DEDD2: variants seen among roughly 807,000 people sequenced by gnomAD.
The protein encoded by DEDD2 is death effector domain containing 2, also known as DNA-binding death effector domain-containing protein 2.
In DEDD2, 18 loss-of-function variants were observed where a neutral mutation model predicts 28.9. The observed-to-expected ratio is 0.62, with a 90% CI of 0.43 to 0.92. DEDD2 has a LOEUF of 0.92. Ranked by LOEUF, DEDD2 falls within the 40% of genes least tolerant of loss-of-function variation. The pLI, the probability that DEDD2 is intolerant of heterozygous loss-of-function variation, is 0.00. For missense variants in DEDD2, 411 were observed against 463.3 expected, an observed-to-expected ratio of 0.89 and a Z score of 1.04; for synonymous variants, 211 against 206.1, an observed-to-expected ratio of 1.02 and a Z score of -0.20.
intron 3 of DEDD2, among the ~76,000 whole-genome samples, chr19:42,211,438 AGG>A (rs2035758912): frequency 2.8e-5 from 1 of 35,950 alleles, no homozygotes; most frequent in South Asian, 8.1e-4. Context: ...GGAGGGAGGG[AGG>A]GAGGGAGGGA....
At chr19:42,202,145 A>T (rs905540559) in intron 4 of DEDD2, 1 of 398,622 alleles carries the variant, frequency 2.5e-6, no homozygotes. Context: ...AACTCATAAA[A>T]TGCTTGCTTA....
At position 42,216,922 on chromosome 19, in the gene DEDD2, A is replaced by G. The variant is rs1441768610; in HGVS notation, c.86T>C (p.Met29Thr). 2 of 1,601,006 alleles carry G rather than the reference A, an allele frequency of 1.2e-6. No individual in the cohort carries two copies. The highest frequency in any genetic ancestry group is 1.3e-5 in the African/African-American group (1 of 74,542). ...DYYGMLSLHR[M>T]FEVVGGQLTE... ...CAGTTGCCCGCCCACCACCTCGAAC[A>G]TACGGTGAAGCGACAGCATCCCGTA... The change falls in exon 2 of 5, where the codon ATG (methionine) becomes ACG (threonine). Residue 29 changes from methionine to threonine, a missense_variant. Coordinates refer to ENST00000596251, the MANE Select transcript of DEDD2 (RefSeq NM_133328.4).
chr19:42,217,909 T>G (rs534389770), upstream of DEDD2, among the ~76,000 whole-genome samples: 1 of 152,330 alleles, frequency 6.6e-6, no homozygotes, highest in African/African-American at 2.4e-5. Context: ...GGGCTGTATC[T>G]GGTACCCGGT....
At position 42,216,727 on chromosome 19, in the gene DEDD2, G is replaced by C. The variant is rs947154147; in HGVS notation, c.281C>G (p.Ala94Gly). 1 of 1,591,288 alleles carries C rather than the reference G, an allele frequency of 6.3e-7. No individual in the cohort carries two copies. The change falls in exon 2 of 5, where the codon GCC (alanine) becomes GGC (glycine). Residue 94 changes from alanine to glycine, a missense_variant. This residue lies in a region of DEDD2 where 282 missense variants were observed against 273.4 expected (regional missense o/e 1.03). Transcript: ENST00000596251. ...RLLGQLLRVL[A>G]RHDLLPHLAR... Reference sequence around the variant, plus strand: ...CAGGTGCGGCAGCAGGTCGTGGCGGGCCAGCACGCGCAGGAGTTGCCCCAG... The same window carrying C: ...CAGGTGCGGCAGCAGGTCGTGGCGGCCCAGCACGCGCAGGAGTTGCCCCAG...
chr19:42,209,508 G>C (rs2035663843), intron 4 of DEDD2, among the ~76,000 whole-genome samples, 192 bp downstream of exon 4: 1 of 152,214 alleles, frequency 6.6e-6, no homozygotes, highest in Non-Finnish European at 1.5e-5. Flanking sequence ...CACAAGATCT[G>C]ATCCTTCAAC....
At chr19:42,204,841 G>A (rs549993881) in intron 4 of DEDD2, among the ~76,000 whole-genome samples, 12 of 140,562 alleles carry the variant, frequency 8.5e-5, no homozygotes, top group African/African-American at 3.0e-4. Flanking sequence ...TGCCTCCCTC[G>A]TCTCTTCTCC....
At chr19:42,215,058 A>AG in intron 3 of DEDD2, 75 bp downstream of exon 3, 1 of 1,585,900 alleles carries the variant, frequency 6.3e-7, no homozygotes, top group Non-Finnish European at 8.6e-7. Flanking sequence ...ATAACCCCTC[A>AG]GGCCCCTTCC....
At chr19:42,211,023 T>C (rs940596611) in intron 3 of DEDD2, among the ~76,000 whole-genome samples, 2 of 150,280 alleles carry the variant, frequency 1.3e-5, no homozygotes, top group Admixed American at 1.3e-4. Context: ...TGAGCCGAGA[T>C]TGTGCCACTG....
At chr19:42,213,274 A>G (rs1246539414) in intron 3 of DEDD2, among the ~76,000 whole-genome samples, 1 of 152,178 alleles carries the variant, frequency 6.6e-6, no homozygotes, top group Non-Finnish European at 1.5e-5. Flanking sequence ...AAAGAGAAAG[A>G]AAAAAGAAAA....
At position 42,199,407 on chromosome 19, in the gene DEDD2, T is replaced by TG. The variant is rs1363575288; in HGVS notation, c.*30dup. ...CCCAGGAGAAGGTGGCCCGGAGACT[T>TG]GGAGGTGGGATCAATCCTGCCAGTC... On this transcript the variant is annotated 3_prime_UTR_variant, in exon 5 of 5. Transcript: ENST00000596251. The surrounding 1 kb of genome is among the most constrained non-coding windows in gnomAD (Gnocchi z 7.4). The TG allele has an allele frequency of 6.5e-7, 1 of 1,543,012 alleles. No individual in the cohort carries two copies. The highest frequency in any genetic ancestry group is 1.4e-5 in the African/African-American group (1 of 72,654).
chr19:42,215,085 A>T, intron 3 of DEDD2, 48 bp downstream of exon 3: 2 of 1,608,944 alleles, frequency 1.2e-6, no homozygotes, highest in Non-Finnish European at 1.7e-6. Flanking sequence ...GGCACAATTC[A>T]TAAGGAAAAG....
At chr19:42,210,755 T>A (rs914846352) in intron 3 of DEDD2, among the ~76,000 whole-genome samples, 3 of 151,946 alleles carry the variant, frequency 2.0e-5, no homozygotes, top group Non-Finnish European at 4.4e-5. Flanking sequence ...AAAGTTAAAA[T>A]GAAATAAACC....
In DEDD2 at chr19:42,199,773, C is replaced by T. The variant is rs908787517; in HGVS notation, c.646G>A (p.Gly216Ser). ...GCCTGGGGCCGCCGGGATGCCACGCCCTGCTCCAAGGCTGGCCCATGCTCG... is the reference window on the plus strand; with the variant it reads ...GCCTGGGGCCGCCGGGATGCCACGCTCTGCTCCAAGGCTGGCCCATGCTCG... Reference protein sequence around the residue: ...YCEHGPALEQGVASRRPQALA... With the variant: ...YCEHGPALEQSVASRRPQALA... Residue 216 changes from glycine to serine, a missense_variant, in exon 5 of 5, where the codon GGC (glycine) becomes AGC (serine). Gly to Ser is a moderately conservative substitution (Grantham distance 56). This residue lies in a region of DEDD2 where 129 missense variants were observed against 189.9 expected (regional missense o/e 0.68). Transcript: ENST00000596251. This position sits in a 1 kb window ranked among gnomAD's most constrained non-coding sequence, Gnocchi z 7.4. 6.2e-7 allele frequency: 1 copy of T among 1,609,932 alleles called. No homozygotes were observed. Among genetic ancestry groups the T allele is most frequent in the African/African-American group, 1.3e-5 (1 of 74,948 alleles).
intron 4 of DEDD2, among the ~76,000 whole-genome samples, chr19:42,209,474 GGAAAGGCTTCCT>G (rs2035662571): frequency 6.6e-6 from 1 of 152,152 alleles, no homozygotes; most frequent in African/African-American, 2.4e-5. Flanking sequence ...GGGGTTGTCA[GGAAAGGCTTCCT>G]GAAGGAGGTG....
At chr19:42,204,003 G>A (rs754956328) in intron 4 of DEDD2, among the ~76,000 whole-genome samples, 1 of 152,304 alleles carries the variant, frequency 6.6e-6, no homozygotes, top group Non-Finnish European at 1.5e-5. Context: ...TCCCTGGGAG[G>A]GTGGGGGGCA....
chr19:42,215,692 G>A (rs1433074233), intron 2 of DEDD2, among the ~76,000 whole-genome samples: 6 of 152,054 alleles, frequency 3.9e-5, no homozygotes, highest in African/African-American at 7.2e-5. Flanking sequence ...AATCCTGTGG[G>A]CTTACTCTGG....
chr19:42,200,315 G>C (rs1197744060), intron 4 of DEDD2, among the ~76,000 whole-genome samples: 6 of 152,254 alleles, frequency 3.9e-5, no homozygotes, highest in Non-Finnish European at 2.9e-5. Context: ...ACAGATGACA[G>C]CAAGGAAGGG....
chr19:42,207,812 C>T (rs1335586798), intron 4 of DEDD2, among the ~76,000 whole-genome samples: 1 of 151,874 alleles, frequency 6.6e-6, no homozygotes, highest in Admixed American at 6.6e-5. Flanking sequence ...CCAAGGCCCC[C>T]CACCTGCCTC....
At chr19:42,211,208 G>A (rs1215577251) in intron 3 of DEDD2, among the ~76,000 whole-genome samples, 5 of 150,088 alleles carry the variant, frequency 3.3e-5, no homozygotes, top group Admixed American at 1.3e-4. Context: ...GGAAAAACCC[G>A]TCTCTATTAA....
Sources: allele counts gnomAD v4.1 joint callset (sites outside exome capture counted in the v4.1 genomes callset), GRCh38; gene constraint gnomAD v4.1.1; regional missense constraint gnomAD v4.1.1; non-coding constraint Gnocchi (gnomAD v3.1); transcripts MANE v1.5; gene names NCBI Gene and HGNC (gene_info 2026-07-23, HGNC 2026-07-21).